CAPN8: variants seen among roughly 807,000 people sequenced by gnomAD.
The protein encoded by CAPN8 is calpain 8.
In CAPN8, 87 loss-of-function variants were observed where a neutral mutation model predicts 80.9. The ratio of observed to expected loss-of-function variants is 1.07; its 90% CI spans 0.90 to 1.28. CAPN8 has a LOEUF of 1.28. CAPN8 is among the 50% of genes most tolerant of loss of function. CAPN8 has a pLI of 0.00. For missense variants in CAPN8, 757 were observed against 702.0 expected, an observed-to-expected ratio of 1.08 and a Z score of -0.89; for synonymous variants, 299 against 273.8, an observed-to-expected ratio of 1.09 and a Z score of -0.91.
chr1:223,638,039 G>T (rs1657950250), intron 2 of CAPN8, among the ~76,000 whole-genome samples: 1 of 152,158 alleles, frequency 6.6e-6, no homozygotes, highest in South Asian at 2.1e-4. Flanking sequence ...GTATCCATGG[G>T]TACCATATCC....
At position 223,628,768 on chromosome 1, in the gene CAPN8, A is replaced by G; in HGVS notation, c.320T>C (p.Leu107Pro). ...GGTCAGGGAGGCAATGGCAGCCAGA[A>G]GCCAGCAGTCACCTGCACAGTGTCA... ...ICQGGLGDCW[L>P]LAAIASLTLN... The change falls in exon 3 of 21, where the codon CTT becomes CCT. Residue 107 changes from leucine (L) to proline (P), a missense_variant. By Grantham distance (98) the Leu-to-Pro change is moderately conservative. Transcript: ENST00000366872. 6.4e-7 allele frequency: 1 copy of G among 1,554,764 alleles called. No individual in the cohort carries two copies. Among genetic ancestry groups the G allele is most frequent in the Non-Finnish European group, 8.7e-7 (1 of 1,148,918 alleles).
At chr1:223,618,234 G>A (rs1348710391) in intron 9 of CAPN8, 9 of 1,550,576 alleles carry the variant, frequency 5.8e-6, no homozygotes, top group Non-Finnish European at 7.8e-6. Flanking sequence ...CTGTCTTCCT[G>A]AGTTTCTTCA....
intron 2 of CAPN8, among the ~76,000 whole-genome samples, chr1:223,652,822 C>A (rs1658377405): frequency 6.6e-6 from 1 of 152,078 alleles, no homozygotes; most frequent in Non-Finnish European, 1.5e-5. Context: ...TGCGTTTGTT[C>A]TGATGTGAGC....
intron 1 of CAPN8, 62 bp downstream of exon 1, chr1:223,665,348 C>T: frequency 7.3e-7 from 1 of 1,361,282 alleles, no homozygotes; most frequent in Non-Finnish European, 1.0e-6. Context: ...CTCAGTTCCT[C>T]CTGATCAGAT....
intron 2 of CAPN8, among the ~76,000 whole-genome samples, chr1:223,635,538 A>G (rs927616881): frequency 1.3e-5 from 2 of 152,266 alleles, no homozygotes; most frequent in African/African-American, 4.8e-5. Flanking sequence ...CACAGACCCC[A>G]GCATAAAATT....
At chr1:223,633,815 G>A (rs928202478) in intron 2 of CAPN8, among the ~76,000 whole-genome samples, 7 of 152,184 alleles carry the variant, frequency 4.6e-5, no homozygotes, top group African/African-American at 1.7e-4. Flanking sequence ...ACTGTAGGTA[G>A]CAAGAACTCG....
At chr1:223,619,820 C>A (rs75988987) in intron 8 of CAPN8, among the ~76,000 whole-genome samples, 1,706 of 152,280 alleles carry the variant, frequency 0.011, 22 homozygotes, top group African/African-American at 0.037. Context: ...CCAGCTAAGC[C>A]GTACCATATT....
intron 8 of CAPN8, 73 bp downstream of exon 8, chr1:223,620,119 C>A (rs1657339189): frequency 2.3e-6 from 3 of 1,283,916 alleles, no homozygotes; most frequent in Admixed American, 4.0e-5. Context: ...GACCCAGAGA[C>A]CTAGAGTTCA....
chr1:223,619,478 C>G (rs948878463), intron 8 of CAPN8, 25 bp from the exon 9 acceptor site: 29 of 1,551,042 alleles, frequency 1.9e-5, no homozygotes, highest in South Asian at 2.4e-5. Flanking sequence ...CCAGAGGGCT[C>G]TCAGTGAAGA....
At chr1:223,643,162 T>C (rs1173745077) in intron 2 of CAPN8, among the ~76,000 whole-genome samples, 1 of 152,212 alleles carries the variant, frequency 6.6e-6, no homozygotes, top group African/African-American at 2.4e-5. Flanking sequence ...AGCACTGAGA[T>C]GCAATTGTTA....
intron 20 of CAPN8, among the ~76,000 whole-genome samples, 155 bp downstream of exon 20, chr1:223,542,951 GTT>G (rs753289726): frequency 6.6e-6 from 1 of 152,170 alleles, no homozygotes; most frequent in Non-Finnish European, 1.5e-5. Flanking sequence ...CTGTATAACA[GTT>G]GCCTTCCTCC....
chr1:223,625,362 A>T (rs985349895), intron 6 of CAPN8, among the ~76,000 whole-genome samples: 2 of 152,268 alleles, frequency 1.3e-5, no homozygotes, highest in African/African-American at 4.8e-5. Context: ...GCATTTAGTT[A>T]GAACCTATTG....
chr1:223,558,362 C>G (rs1051876186), intron 12 of CAPN8, among the ~76,000 whole-genome samples, 195 bp from the exon 13 acceptor site: 44 of 152,316 alleles, frequency 2.9e-4, no homozygotes, highest in Non-Finnish European at 5.1e-4. Flanking sequence ...TCCACCCCAC[C>G]CTGAGTTTTT....
chr1:223,626,921 T>C, intron 5 of CAPN8, 68 bp downstream of exon 5: 1 of 1,500,192 alleles, frequency 6.7e-7, no homozygotes, highest in Non-Finnish European at 9.0e-7. Context: ...CGCTGTCTCA[T>C]CCCTTCCCTA....
chr1:223,640,738 C>T (rs1658022014), intron 2 of CAPN8, among the ~76,000 whole-genome samples: 1 of 152,092 alleles, frequency 6.6e-6, no homozygotes, highest in Admixed American at 6.6e-5. Context: ...CATCCAGGAG[C>T]AGTAATTAGG....
chr1:223,654,271 C>A, intron 2 of CAPN8, 59 bp downstream of exon 2: 1 of 1,409,870 alleles, frequency 7.1e-7, no homozygotes, highest in South Asian at 1.2e-5. Flanking sequence ...GATGTTTACT[C>A]ATGACACATA....
chr1:223,546,362 C>T (rs1656622516), intron 16 of CAPN8, among the ~76,000 whole-genome samples: 1 of 152,118 alleles, frequency 6.6e-6, no homozygotes, highest in East Asian at 1.9e-4. Flanking sequence ...AGCCACTGCA[C>T]TCCAGCCTGG....
chr1:223,555,933 G>A (rs1656896746), intron 13 of CAPN8, among the ~76,000 whole-genome samples: 2 of 152,206 alleles, frequency 1.3e-5, no homozygotes, highest in African/African-American at 4.8e-5. Flanking sequence ...CGTAGTTTTT[G>A]TTCTCAAGGA....
chr1:223,636,935 C>T (rs1657907658), intron 2 of CAPN8, among the ~76,000 whole-genome samples: 1 of 152,160 alleles, frequency 6.6e-6, no homozygotes, highest in Non-Finnish European at 1.5e-5. Flanking sequence ...TGTTTCCCCC[C>T]TTTTTCTCCC....
Sources: gnomAD v4.1 joint callset for allele counts (sites outside exome capture counted in the v4.1 genomes callset) on GRCh38, gnomAD v4.1.1 for gene constraint, MANE v1.5 for transcripts, NCBI Gene and HGNC (gene_info 2026-07-23, HGNC 2026-07-21) for gene names.